The following AFAP1 variants were observed in gnomAD, a reference collection of about 807,000 sequenced individuals.
AFAP1 encodes actin filament-associated protein 1.
A neutral mutation model predicts 93.9 loss-of-function variants in AFAP1; 75 were observed. That is an observed-to-expected ratio of 0.80 (90% CI 0.66 to 0.97). AFAP1 has a LOEUF of 0.97. Among genes scored for constraint, AFAP1 ranks in the 50% least tolerant of loss-of-function variants. The pLI is 0.00. For missense variants in AFAP1, 1,201 were observed against 1,050.8 expected (o/e 1.14, Z -1.98); for synonymous variants, 517 against 430.7 (o/e 1.20, Z -2.48).
At chr4:7,890,736 A>G (rs75715384) in intron 1 of AFAP1, among the ~76,000 whole-genome samples, 1 of 152,200 alleles carries the variant, frequency 6.6e-6, no homozygotes, top group Non-Finnish European at 1.5e-5. Context: ...TAAAATCACA[A>G]TGAGATGCCC....
intron 17 of AFAP1, 95 bp from the exon 18 acceptor site, chr4:7,763,886 T>G (rs1428930490): frequency 7.8e-7 from 1 of 1,288,726 alleles, no homozygotes; most frequent in Non-Finnish European, 1.1e-6. Flanking sequence ...AGGGGGTGGG[T>G]GCTCGGCTAC....
rs1165179563 is a variant in AFAP1, at chr4:7,761,977, G to C, written c.*1788C>G. 1 of 152,252 alleles carries C rather than the reference G, an allele frequency of 6.6e-6. No individual in the cohort carries two copies. Among genetic ancestry groups the C allele is most frequent in the African/African-American group, 2.4e-5 (1 of 41,452 alleles). The allele number at this position is 152,252 out of a possible 1,614,324, so 9.4% of individuals were successfully genotyped here. A position where few individuals can be genotyped will look rare whatever the true frequency, so the allele number is the denominator to read the frequency against. On this transcript the variant is annotated 3_prime_UTR_variant, in exon 18 of 18. Coordinates refer to ENST00000420658, the MANE Select transcript of AFAP1 (RefSeq NM_001134647.2). ...CTCCACGGACTAGGCCGGGAGGAAC[G>C]TGCATCAGAGGGGAAAGAAAGGCTG...
At chr4:7,825,539 G>A (rs1721345667) in intron 6 of AFAP1, among the ~76,000 whole-genome samples, 1 of 152,152 alleles carries the variant, frequency 6.6e-6, no homozygotes, top group South Asian at 2.1e-4. Flanking sequence ...AATATTTTGA[G>A]CTGAATAATA....
intron 3 of AFAP1, among the ~76,000 whole-genome samples, chr4:7,861,825 A>T (rs947754790): frequency 6.6e-6 from 1 of 152,276 alleles, no homozygotes; most frequent in Non-Finnish European, 1.5e-5. Flanking sequence ...CCAAAGGGTC[A>T]CATCTTACGC....
intron 6 of AFAP1, among the ~76,000 whole-genome samples, chr4:7,825,273 T>G (rs1314979387): frequency 6.6e-6 from 1 of 152,190 alleles, no homozygotes; most frequent in Admixed American, 6.5e-5. Context: ...CTCACCCACC[T>G]TTCCATCACT....
rs778953519 is a variant in AFAP1 at position 7,819,037 on chromosome 4, A to G, written c.822+39T>C. On this transcript the variant is annotated intron_variant, in intron 7 of 17. Transcript: ENST00000420658. ...TTTGAAAGAGACCCCAATCCACTGC[A>G]AGGTCACCGTCCCCACCCAGCAAGA... The G allele has an allele frequency of 2.0e-6, 3 of 1,511,702 alleles. No individual in the cohort carries two copies. In the South Asian group the frequency reaches 3.8e-5, roughly 19 times the overall value. 93.6% of individuals were successfully genotyped at this position (1,511,702 alleles called of 1,614,324 possible). A position where few individuals can be genotyped will look rare whatever the true frequency, so the allele number is the denominator to read the frequency against.
chr4:7,816,244 T>A, intron 7 of AFAP1, 145 bp from the exon 8 acceptor site: 1 of 629,726 alleles, frequency 1.6e-6, no homozygotes. Context: ...AGCTTAACTA[T>A]AACAAAGACT....
intron 1 of AFAP1, among the ~76,000 whole-genome samples, chr4:7,902,773 G>A (rs1719188335): frequency 1.3e-5 from 2 of 152,222 alleles, no homozygotes; most frequent in Non-Finnish European, 2.9e-5. Flanking sequence ...GAAGTGACCA[G>A]GCACTGGGAG....
chr4:7,865,918 C>T (rs145417359), intron 3 of AFAP1, among the ~76,000 whole-genome samples: 208 of 152,308 alleles, frequency 1.4e-3, no homozygotes, highest in East Asian at 7.7e-4. Flanking sequence ...TTTTTTGAGA[C>T]GGAGTCTCGG....
intron 9 of AFAP1, among the ~76,000 whole-genome samples, chr4:7,807,874 C>G (rs905007395): frequency 6.6e-6 from 1 of 152,232 alleles, no homozygotes; most frequent in African/African-American, 2.4e-5. Context: ...CAATCCATCC[C>G]TCCTCCTGAC....
At chr4:7,882,453 CA>C (rs1474596605) in intron 1 of AFAP1, among the ~76,000 whole-genome samples, 6 of 150,684 alleles carry the variant, frequency 4.0e-5, no homozygotes, top group East Asian at 3.9e-4. Flanking sequence ...AGAGATAGCA[CA>C]AAAAAGAAAA....
At position 7,930,486 on chromosome 4, in the gene AFAP1, C is replaced by T. The variant is rs780970919; in HGVS notation, c.-3+9170G>A. Among the ~76,000 whole-genome samples, 92 of 152,252 alleles carry T rather than the reference C, an allele frequency of 6.0e-4. 2 individuals are homozygous for T. Among genetic ancestry groups the T allele is most frequent in the Admixed American group, 1.1e-3 (17 of 15,302 alleles). On this transcript the variant is annotated intron_variant, in intron 1 of 17. Transcript: ENST00000420658. Reference sequence around the variant, plus strand: ...TGGTATGTCCAACTCTTTAATCATACCTCGGTCTTTCTGGCAACCAGCCCT... The same window carrying T: ...TGGTATGTCCAACTCTTTAATCATATCTCGGTCTTTCTGGCAACCAGCCCT...
intron 7 of AFAP1, among the ~76,000 whole-genome samples, chr4:7,817,805 T>C (rs571430508): frequency 6.6e-5 from 10 of 150,988 alleles, no homozygotes; most frequent in African/African-American, 2.4e-4. Context: ...ATGCATAAGC[T>C]TATCCAAACC....
In AFAP1 at chr4:7,877,029, C is replaced by A. The variant is rs138956349; in HGVS notation, c.-2-4949G>T. Among the ~76,000 whole-genome samples, 324 of 152,294 alleles carry A rather than the reference C, an allele frequency of 2.1e-3. 1 individual carries two copies. The highest frequency in any genetic ancestry group is 7.5e-3 in the African/African-American group (311 of 41,538). On this transcript the variant is annotated intron_variant, in intron 1 of 17. Coordinates refer to ENST00000420658, the MANE Select transcript of AFAP1 (RefSeq NM_001134647.2). The stretch of plus-strand genomic sequence containing the variant: ...TTGGCTCCCCCTCACTGAAGTCTTC[C>A]CTAATTACCAAAATCCATTCCTCCT...
At chr4:7,848,133 GAGT>G (rs1713980000) in intron 4 of AFAP1, among the ~76,000 whole-genome samples, 1 of 69,744 alleles carries the variant, frequency 1.4e-5, no homozygotes. Flanking sequence ...GGAAGGGAGT[GAGT>G]GAGGGAGTGA....
chr4:7,915,950 G>T (rs1179196488), intron 1 of AFAP1, among the ~76,000 whole-genome samples: 1 of 152,278 alleles, frequency 6.6e-6, no homozygotes, highest in African/African-American at 2.4e-5. Context: ...AAAAATAGGA[G>T]GGAGAGGACG....
intron 1 of AFAP1, among the ~76,000 whole-genome samples, chr4:7,913,345 G>T (rs534519263): frequency 7.1e-6 from 1 of 139,958 alleles, no homozygotes; most frequent in African/African-American, 2.7e-5. Context: ...AGCCATGATC[G>T]CACCACTACA....
chr4:7,796,337 T>A (rs1718415569), intron 10 of AFAP1, among the ~76,000 whole-genome samples: 1 of 152,188 alleles, frequency 6.6e-6, no homozygotes. Context: ...TATAATCTCT[T>A]TATTACAGGG....
chr4:7,791,827 T>C (rs544897480), intron 11 of AFAP1, among the ~76,000 whole-genome samples: 1 of 141,284 alleles, frequency 7.1e-6, no homozygotes, highest in Non-Finnish European at 1.5e-5. Flanking sequence ...CACTCCAGCC[T>C]GGGCAACCCT....
Sources: allele counts gnomAD v4.1 joint callset (sites outside exome capture counted in the v4.1 genomes callset), GRCh38; gene constraint gnomAD v4.1.1; transcripts MANE v1.5; gene names NCBI Gene and HGNC (gene_info 2026-07-23, HGNC 2026-07-21).